Variants in TNN observed in about 807,000 individuals in gnomAD.
TNN encodes tenascin-N.
Under a neutral mutation model 134.4 loss-of-function variants are expected in TNN, and 122 were observed. The observed-to-expected ratio is 0.91, with a 90% CI of 0.78 to 1.06. TNN has a LOEUF of 1.06. Among genes scored for constraint, TNN ranks in the 50% least tolerant of loss-of-function variants. The pLI is 0.00. For synonymous variants in TNN, 710 were observed against 670.3 expected (o/e 1.06, Z -0.91); for missense variants, 1,739 against 1,699.4 (o/e 1.02, Z -0.41).
intron 9 of TNN, among the ~76,000 whole-genome samples, chr1:175,105,825 T>C (rs1674836135): frequency 6.9e-6 from 1 of 145,322 alleles, no homozygotes; most frequent in African/African-American, 2.5e-5. Context: ...CCCACAGTTT[T>C]GGTTTGTTTT....
At position 175,123,388 on chromosome 1, in the gene TNN, CT is replaced by C. The variant is rs781724134; in HGVS notation, c.2651-7del. 6.2e-7 allele frequency: 1 copy of C among 1,612,876 alleles called. No individual in the cohort carries two copies. Among genetic ancestry groups the C allele is most frequent in the African/African-American group, 1.3e-5 (1 of 74,862 alleles). The stretch of plus-strand genomic sequence containing the variant: ...TTCTAAAGTTCAGCCTTTTCTAAAT[CT>C]TTTTAAAAAGAAATTGACGGCCCCA... On this transcript the variant is annotated splice_polypyrimidine_tract_variant and intron_variant, in intron 11 of 18. Transcript: ENST00000239462.
chr1:175,116,935 TCAGACA>T lies in TNN; in HGVS notation c.2120-3_2122del, dbSNP rs1421580623. The T allele has an allele frequency of 6.2e-7, 1 of 1,614,136 alleles. No homozygotes were observed. The highest frequency in any genetic ancestry group is 1.7e-5 in the Admixed American group (1 of 59,996). On this transcript the variant is annotated splice_acceptor_variant and splice_polypyrimidine_tract_variant and coding_sequence_variant and intron_variant, in exon 10 of 19. Coordinates refer to ENST00000239462, the MANE Select transcript of TNN (RefSeq NM_022093.2). LOFTEE classifies it high-confidence loss of function. The stretch of plus-strand genomic sequence containing the variant: ...GTTCATTGATCAGCAATTTTTTTTT[TCAGACA>T]TTGACAGCCCCCAAAACCTGGTGAC...
Position 175,136,992 on chromosome 1 carries a change from A to T in TNN, c.3595+4A>T. On this transcript the variant is annotated splice_donor_region_variant and intron_variant, in intron 17 of 18. Coordinates refer to ENST00000239462, the MANE Select transcript of TNN (RefSeq NM_022093.2). ...GGGAAATACAGAGGCACGGCAGGTG[A>T]GAAAAAATGTTTTCTTACTGCGAAG... The T allele has an allele frequency of 6.2e-7, 1 of 1,613,772 alleles. No homozygotes were observed. Among genetic ancestry groups the T allele is most frequent in the East Asian group, 2.2e-5 (1 of 44,878 alleles).
chr1:175,127,117 C>CCTTCT (rs765936920), intron 13 of TNN, 32 bp downstream of exon 13: 7 of 1,603,894 alleles, frequency 4.4e-6, no homozygotes, highest in East Asian at 4.5e-5. Flanking sequence ...TCTCCTGGTG[C>CCTTCT]CTTCTCTTCT....
intron 17 of TNN, 113 bp from the exon 18 acceptor site, chr1:175,144,274 C>T (rs1232964307): frequency 2.0e-6 from 2 of 979,058 alleles, no homozygotes; most frequent in Non-Finnish European, 3.1e-6. Flanking sequence ...TGTGACATGA[C>T]TGGCTGCATC....
chr1:175,079,310 A>G, intron 2 of TNN, 23 bp from the exon 3 acceptor site: 2 of 1,567,112 alleles, frequency 1.3e-6, no homozygotes, highest in Non-Finnish European at 1.7e-6. Context: ...AACCCAACCT[A>G]CTGTTTCTCC....
At chr1:175,140,364 G>T (rs1012467) in intron 17 of TNN, among the ~76,000 whole-genome samples, 16,340 of 152,212 alleles carry the variant, frequency 0.11, 949 homozygotes, top group East Asian at 0.2. Context: ...TATGAAGTGG[G>T]TGTTTTTCTT....
intron 17 of TNN, among the ~76,000 whole-genome samples, chr1:175,139,877 C>A (rs1331903062): frequency 6.6e-6 from 1 of 152,150 alleles, no homozygotes; most frequent in African/African-American, 2.4e-5. Flanking sequence ...CTTATGAGAC[C>A]ACTGTCGTAT....
chr1:175,081,830 G>T (rs1165561542), intron 4 of TNN, among the ~76,000 whole-genome samples: 1 of 152,186 alleles, frequency 6.6e-6, no homozygotes. Flanking sequence ...GAAGGTGTAA[G>T]GAAGCAGGGA....
At chr1:175,140,808 G>A (rs1340389358) in intron 17 of TNN, among the ~76,000 whole-genome samples, 1 of 152,216 alleles carries the variant, frequency 6.6e-6, no homozygotes, top group Non-Finnish European at 1.5e-5. Context: ...TACAATGGTA[G>A]GGTTAGTGGA....
In TNN at chr1:175,077,747, C is replaced by A. The variant is rs1421569424; in HGVS notation, c.329C>A (p.Ala110Asp). The change falls in exon 2 of 19, where the codon GCC (alanine) becomes GAC (aspartate). Residue 110 changes from alanine to aspartate, a missense_variant. Physicochemically the swap from Ala to Asp is moderately radical, Grantham distance 126. Coordinates refer to ENST00000239462, the MANE Select transcript of TNN (RefSeq NM_022093.2). ...GCAGGCAGTGTCCAGGACCTCCTGG[C>A]CCGGGTGAAGAAGCTGGAGGAAGAG... ...ELAGSVQDLL[A>D]RVKKLEEEMV... 5.0e-6 allele frequency: 8 copies of A among 1,614,086 alleles called. No homozygotes were observed. The South Asian group carries it at 6.6e-5, about 13-fold the overall frequency.
chr1:175,079,069 G>A (rs1419550101), intron 2 of TNN, among the ~76,000 whole-genome samples: 1 of 152,178 alleles, frequency 6.6e-6, no homozygotes, highest in African/African-American at 2.4e-5. Context: ...GGTGGGTCCT[G>A]CAGCCTTTTC....
Position 175,147,531 on chromosome 1 carries a change from T to C in TNN, c.*460T>C, listed in dbSNP as rs1314719670. ...CGGACGTTTGTCACCTCCTTTCCCA[T>C]TGGGTTTTTAGGAAAACAGTGTGAA... On this transcript the variant is annotated 3_prime_UTR_variant, in exon 19 of 19. Coordinates refer to ENST00000239462, the MANE Select transcript of TNN (RefSeq NM_022093.2). 2 of 152,738 alleles carry C rather than the reference T, an allele frequency of 1.3e-5. No homozygotes were observed. The highest frequency in any genetic ancestry group is 3.8e-4 in the East Asian group (2 of 5,210). 9.5% of individuals were successfully genotyped at this position (152,738 alleles called of 1,614,324 possible).
At chr1:175,121,841 G>A (rs1344766981) in intron 11 of TNN, among the ~76,000 whole-genome samples, 1 of 152,194 alleles carries the variant, frequency 6.6e-6, no homozygotes, top group Non-Finnish European at 1.5e-5. Flanking sequence ...AGTTTGGGGA[G>A]AAGCATCAAG....
intron 1 of TNN, 111 bp downstream of exon 1, chr1:175,068,046 G>T (rs1673835971): frequency 4.7e-6 from 2 of 423,810 alleles, no homozygotes; most frequent in Non-Finnish European, 9.5e-6. Context: ...CTGAAAATCC[G>T]GGCAGTGTAA....
Position 175,147,508 on chromosome 1 carries a change from G to C in TNN, c.*437G>C, listed in dbSNP as rs1017449980. ...CCAGGGGTTAGGGCTGAGACAACCG[G>C]ACGTTTGTCACCTCCTTTCCCATTG... On this transcript the variant is annotated 3_prime_UTR_variant, in exon 19 of 19. Coordinates refer to ENST00000239462, the MANE Select transcript of TNN (RefSeq NM_022093.2). 6.5e-6 allele frequency: 1 copy of C among 153,654 alleles called. No individual in the cohort carries two copies. The highest frequency in any genetic ancestry group is 1.4e-5 in the Non-Finnish European group (1 of 69,094). The allele number at this position is 153,654 out of a possible 1,614,324, so 9.5% of individuals were successfully genotyped here. A position where few individuals can be genotyped will look rare whatever the true frequency, so the allele number is the denominator to read the frequency against.
At chr1:175,074,484 GAA>G (rs55952749) in intron 1 of TNN, among the ~76,000 whole-genome samples, 1 of 119,020 alleles carries the variant, frequency 8.4e-6, no homozygotes. Context: ...GATCCTGTCT[GAA>G]AAAAAAAAAA....
intron 9 of TNN, among the ~76,000 whole-genome samples, chr1:175,113,351 T>C (rs982131694): frequency 3.9e-5 from 6 of 152,234 alleles, no homozygotes; most frequent in Non-Finnish European, 2.9e-5. Flanking sequence ...CAGCTTTTTT[T>C]CCACCCCTTT....
At chr1:175,085,576 A>G (rs748744655) in intron 6 of TNN, 82 bp downstream of exon 6, 13 of 1,003,952 alleles carry the variant, frequency 1.3e-5, no homozygotes, top group Non-Finnish European at 2.0e-5. Flanking sequence ...TCTCTGGATA[A>G]GAATTCTGGG....
Sources: allele counts gnomAD v4.1 joint callset (sites outside exome capture counted in the v4.1 genomes callset), GRCh38; gene constraint gnomAD v4.1.1; transcripts MANE v1.5; gene names NCBI Gene and HGNC (gene_info 2026-07-23, HGNC 2026-07-21).